The following ITGB3 variants were observed in gnomAD, a reference collection of about 807,000 sequenced individuals.
ITGB3 encodes the protein integrin subunit beta 3, also known as integrin beta-3.
ITGB3 carries 48 observed loss-of-function variants against 85.8 expected under a neutral mutation model. The ratio of observed to expected loss-of-function variants is 0.56; its 90% CI spans 0.44 to 0.71. The LOEUF is 0.71. Among genes scored for constraint, ITGB3 ranks in the 30% least tolerant of loss-of-function variants. The pLI is 0.00. For missense variants in ITGB3, 861 were observed against 1,019.1 expected, an observed-to-expected ratio of 0.84 and a Z score of 2.11; for synonymous variants, 363 against 395.6, an observed-to-expected ratio of 0.92 and a Z score of 0.98.
intron 1 of ITGB3, among the ~76,000 whole-genome samples, chr17:47,271,394 C>T (rs1482396157): frequency 6.6e-6 from 1 of 152,102 alleles, no homozygotes; most frequent in Admixed American, 6.5e-5. Flanking sequence ...TTTTATTCAA[C>T]TTTAGTAATT....
At chr17:47,254,252 C>G (rs11871447) in intron 1 of ITGB3, among the ~76,000 whole-genome samples, 34,824 of 151,898 alleles carry the variant, frequency 0.23, 4,787 homozygotes, top group East Asian at 0.48. Context: ...CCGCGCTCAC[C>G]CGGGGCTGCG....
In ITGB3 at chr17:47,310,603, A is replaced by G; in HGVS notation, c.*399A>G. 2 of 321,462 alleles carry G rather than the reference A, an allele frequency of 6.2e-6. No individual in the cohort carries two copies. Among genetic ancestry groups the G allele is most frequent in the South Asian group, 5.9e-5 (2 of 33,694 alleles). 19.9% of individuals were successfully genotyped at this position (321,462 alleles called of 1,614,324 possible). On this transcript the variant is annotated 3_prime_UTR_variant, in exon 15 of 15. Coordinates refer to ENST00000559488, the MANE Select transcript of ITGB3 (RefSeq NM_000212.3). Reference sequence around the variant, plus strand: ...GTCCCTGAAGAGAAGGGCAGGGCTGAGGCCTCTCATTCCAGAGGAAGGGAC... The same window carrying G: ...GTCCCTGAAGAGAAGGGCAGGGCTGGGGCCTCTCATTCCAGAGGAAGGGAC...
chr17:47,267,430 G>A (rs1311956606), intron 1 of ITGB3, among the ~76,000 whole-genome samples: 1 of 152,212 alleles, frequency 6.6e-6, no homozygotes, highest in African/African-American at 2.4e-5. Context: ...GGAGGGAGGG[G>A]TGGGCTCAGA....
intron 8 of ITGB3, 51 bp downstream of exon 8, chr17:47,290,325 C>T (rs779920866): frequency 2.0e-6 from 3 of 1,477,730 alleles, no homozygotes; most frequent in Non-Finnish European, 2.8e-6. Flanking sequence ...CCTCATTTGG[C>T]TTACACAGCA....
At chr17:47,271,944 GGGGTTTCACC>G (rs1016771543) in intron 1 of ITGB3, among the ~76,000 whole-genome samples, 3 of 78,054 alleles carry the variant, frequency 3.8e-5, no homozygotes, top group Non-Finnish European at 8.5e-5. Context: ...TAATAGAGAC[GGGGTTTCACC>G]ATGTTGGTCA....
chr17:47,255,934 C>T (rs1431689759), intron 1 of ITGB3, among the ~76,000 whole-genome samples: 3 of 150,902 alleles, frequency 2.0e-5, no homozygotes, highest in Non-Finnish European at 2.9e-5. Context: ...CTATTGATGC[C>T]GGGAATGGAG....
At chr17:47,265,672 G>T (rs1567759781) in intron 1 of ITGB3, among the ~76,000 whole-genome samples, 1 of 152,120 alleles carries the variant, frequency 6.6e-6, no homozygotes, top group Non-Finnish European at 1.5e-5. Context: ...CTGGGGTAAG[G>T]ACTTCAACAT....
chr17:47,293,939 T>C (rs1213713052), intron 10 of ITGB3, among the ~76,000 whole-genome samples: 2 of 152,230 alleles, frequency 1.3e-5, no homozygotes, highest in African/African-American at 4.8e-5. Flanking sequence ...AGCTAATCCA[T>C]GCAGATACTC....
At chr17:47,284,386 G>A in intron 3 of ITGB3, 57 bp from the exon 4 acceptor site, 1 of 1,609,036 alleles carries the variant, frequency 6.2e-7, no homozygotes, top group Non-Finnish European at 8.5e-7. Flanking sequence ...ATCCAAATCT[G>A]CTTATTCAAT....
rs764779088 is a variant in ITGB3 at position 47,299,535 on chromosome 17, G to A, written c.1913+5G>A. 2.5e-6 allele frequency: 4 copies of A among 1,613,606 alleles called. No individual in the cohort carries two copies. The highest frequency in any genetic ancestry group is 3.4e-6 in the Non-Finnish European group (4 of 1,179,556). ...AGATGCCTGCACCTTTAAGAAGTGAGTGTGGAGTCTGGAGAGAGCCGGGAG... is the reference window on the plus strand; with the variant it reads ...AGATGCCTGCACCTTTAAGAAGTGAATGTGGAGTCTGGAGAGAGCCGGGAG... On this transcript the variant is annotated splice_donor_5th_base_variant and intron_variant, in intron 11 of 14. Coordinates refer to ENST00000559488, the MANE Select transcript of ITGB3 (RefSeq NM_000212.3). The surrounding 1 kb of genome is among the most constrained non-coding windows in gnomAD (Gnocchi z 5.1).
chr17:47,275,265 G>C (rs2065059304), intron 2 of ITGB3, among the ~76,000 whole-genome samples: 1 of 152,150 alleles, frequency 6.6e-6, no homozygotes, highest in South Asian at 2.1e-4. Context: ...AGGATGGAAG[G>C]GGGACAGGAA....
intron 1 of ITGB3, chr17:47,259,265 C>T (rs2065000884): frequency 7.2e-6 from 1 of 138,296 alleles, no homozygotes; most frequent in Non-Finnish European, 1.5e-5. Flanking sequence ...AACCTGGGGG[C>T]TATTCTACCT....
At chr17:47,268,538 C>T (rs1268819063) in intron 1 of ITGB3, among the ~76,000 whole-genome samples, 3 of 152,182 alleles carry the variant, frequency 2.0e-5, no homozygotes, top group Non-Finnish European at 2.9e-5. Context: ...GTCTGAAATC[C>T]AGCAGGACAG....
chr17:47,263,545 A>T (rs2065015900), intron 1 of ITGB3, among the ~76,000 whole-genome samples: 1 of 137,374 alleles, frequency 7.3e-6, no homozygotes, highest in African/African-American at 2.7e-5. Flanking sequence ...GCTGGAGTGC[A>T]GTGGCACGAT....
At chr17:47,258,532 T>C (rs1165165675) in intron 1 of ITGB3, among the ~76,000 whole-genome samples, 1 of 152,094 alleles carries the variant, frequency 6.6e-6, no homozygotes, top group Admixed American at 6.5e-5. Flanking sequence ...CAAATGCATA[T>C]AGTCAAGTAA....
intron 2 of ITGB3, among the ~76,000 whole-genome samples, chr17:47,281,332 T>A (rs957174975): frequency 6.6e-6 from 1 of 152,222 alleles, no homozygotes; most frequent in Non-Finnish European, 1.5e-5. Context: ...TCCAGCTTCC[T>A]GGCTGGTCCC....
At chr17:47,283,675 AG>A (rs1302074649) in intron 3 of ITGB3, 126 bp downstream of exon 3, 4 of 897,476 alleles carry the variant, frequency 4.5e-6, no homozygotes, top group Non-Finnish European at 7.2e-6. Context: ...GACAAGGATG[AG>A]GGGGGAGGTG....
At chr17:47,256,997 T>A (rs1158443684) in intron 1 of ITGB3, among the ~76,000 whole-genome samples, 4 of 152,216 alleles carry the variant, frequency 2.6e-5, no homozygotes, top group Non-Finnish European at 4.4e-5. Flanking sequence ...TCCTGTAGGC[T>A]GTGTGGCCTT....
intron 1 of ITGB3, among the ~76,000 whole-genome samples, chr17:47,262,218 C>G (rs1484058736): frequency 1.3e-5 from 2 of 152,156 alleles, no homozygotes; most frequent in African/African-American, 4.8e-5. Context: ...GTGTTAGCAC[C>G]GCGGCCTGCT....
Sources: gnomAD v4.1 joint callset for allele counts (sites outside exome capture counted in the v4.1 genomes callset) on GRCh38, gnomAD v4.1.1 for gene constraint, Gnocchi (gnomAD v3.1) non-coding constraint, MANE v1.5 for transcripts, NCBI Gene and HGNC (gene_info 2026-07-23, HGNC 2026-07-21) for gene names.